The following CTNNA1 variants were observed in gnomAD, a reference collection of about 807,000 sequenced individuals.
The protein encoded by CTNNA1 is catenin alpha 1, also known as catenin alpha-1.
A neutral mutation model predicts 98.4 loss-of-function variants in CTNNA1; 37 were observed. The ratio of observed to expected loss-of-function variants is 0.38; its 90% CI spans 0.29 to 0.49. The LOEUF (loss-of-function observed/expected upper bound fraction) is 0.49. Among genes scored for constraint, CTNNA1 ranks in the 20% least tolerant of loss-of-function variants. The pLI is 0.95. For missense variants in CTNNA1, 761 were observed against 1,147.2 expected (o/e 0.66, Z 4.86); for synonymous variants, 404 against 413.2 (o/e 0.98, Z 0.27).
At chr5:138,878,948 TAGCCTGTAATCCC>T (rs1485894224) in intron 7 of CTNNA1, among the ~76,000 whole-genome samples, 3 of 151,940 alleles carry the variant, frequency 2.0e-5, no homozygotes, top group African/African-American at 4.8e-5. Flanking sequence ...GGCACAGTGG[TAGCCTGTAATCCC>T]AGCACTTTAG....
At chr5:138,758,483 T>A (rs1453400841) in intron 1 of CTNNA1, among the ~76,000 whole-genome samples, 2 of 152,198 alleles carry the variant, frequency 1.3e-5, no homozygotes, top group African/African-American at 4.8e-5. Context: ...GTTCAAGTGA[T>A]TCTCCTGCCT....
intron 1 of CTNNA1, among the ~76,000 whole-genome samples, chr5:138,767,968 A>G (rs1753118113): frequency 6.6e-6 from 1 of 152,192 alleles, no homozygotes; most frequent in Admixed American, 6.5e-5. Flanking sequence ...CTTACCCTAG[A>G]TATATTGAAT....
chr5:138,932,124 C>T, intron 16 of CTNNA1: 5 of 988,342 alleles, frequency 5.1e-6, no homozygotes, highest in Non-Finnish European at 6.0e-6. Flanking sequence ...CGCAAAGTGC[C>T]TCAGAGCAGA....
chr5:138,854,532 GACAGA>G (rs1763548727), intron 7 of CTNNA1, among the ~76,000 whole-genome samples: 1 of 152,162 alleles, frequency 6.6e-6, no homozygotes, highest in South Asian at 2.1e-4. Flanking sequence ...AGGAAAGGAG[GACAGA>G]ACAGTTCAAC....
At chr5:138,809,891 A>G (rs1758495758) in intron 3 of CTNNA1, 147 bp from the exon 4 acceptor site, 1 of 1,159,908 alleles carries the variant, frequency 8.6e-7, no homozygotes, top group Admixed American at 2.9e-5. Context: ...CAAACAAAGG[A>G]ACAGCAAACA....
chr5:138,797,539 G>A (rs535818531), intron 3 of CTNNA1, among the ~76,000 whole-genome samples: 61 of 152,210 alleles, frequency 4.0e-4, no homozygotes, highest in African/African-American at 1.4e-3. Context: ...TACTGGGCTG[G>A]CAAAAATATT....
At chr5:138,763,368 C>T (rs1752576644) in intron 1 of CTNNA1, among the ~76,000 whole-genome samples, 1 of 152,190 alleles carries the variant, frequency 6.6e-6, no homozygotes, top group East Asian at 1.9e-4. Flanking sequence ...TTACCATTCT[C>T]TCATGGTATG....
chr5:138,907,908 T>G (rs958657423), intron 10 of CTNNA1, among the ~76,000 whole-genome samples: 2 of 151,954 alleles, frequency 1.3e-5, no homozygotes, highest in Non-Finnish European at 1.5e-5. Flanking sequence ...TAGTTTCTGG[T>G]GGGGAGAAAT....
chr5:138,912,459 C>A (rs1580756668), intron 10 of CTNNA1, among the ~76,000 whole-genome samples: 1 of 152,168 alleles, frequency 6.6e-6, no homozygotes, highest in East Asian at 1.9e-4. Flanking sequence ...TTGAGAAAAT[C>A]CAACATCCAT....
intron 9 of CTNNA1, among the ~76,000 whole-genome samples, chr5:138,901,227 A>G (rs1757962320): frequency 1.3e-5 from 2 of 151,712 alleles, no homozygotes; most frequent in Non-Finnish European, 2.9e-5. Flanking sequence ...GCGCCATCTC[A>G]GCTCACTTCA....
At chr5:138,831,581 T>A (rs6421921) in intron 7 of CTNNA1, among the ~76,000 whole-genome samples, 1 of 151,974 alleles carries the variant, frequency 6.6e-6, no homozygotes, top group Non-Finnish European at 1.5e-5. Context: ...TATGTAAACC[T>A]AATCTACTCT....
At chr5:138,856,823 A>G (rs1256863834) in intron 7 of CTNNA1, among the ~76,000 whole-genome samples, 2 of 152,230 alleles carry the variant, frequency 1.3e-5, no homozygotes, top group South Asian at 2.1e-4. Context: ...AATTCATGAG[A>G]TGAAATCCTT....
At chr5:138,913,341 T>C (rs953852581) in intron 10 of CTNNA1, among the ~76,000 whole-genome samples, 6 of 152,144 alleles carry the variant, frequency 3.9e-5, no homozygotes, top group African/African-American at 1.4e-4. Flanking sequence ...CTCACATCAC[T>C]CACTAATCCC....
At chr5:138,778,988 C>T (rs1477155593) in intron 1 of CTNNA1, among the ~76,000 whole-genome samples, 1 of 152,090 alleles carries the variant, frequency 6.6e-6, no homozygotes, top group Non-Finnish European at 1.5e-5. Flanking sequence ...CAGCGATTCT[C>T]CTGGCTCAGC....
chr5:138,885,655 T>A (rs1305262079), intron 7 of CTNNA1, among the ~76,000 whole-genome samples: 1 of 152,230 alleles, frequency 6.6e-6, no homozygotes, highest in African/African-American at 2.4e-5. Flanking sequence ...GTCTAGGATT[T>A]TTTTAAAGTG....
Position 138,827,507 on chromosome 5 carries a change from C to A in CTNNA1, c.859-8C>A. The A allele has an allele frequency of 6.2e-7, 1 of 1,614,094 alleles. No individual in the cohort carries two copies. Among genetic ancestry groups the A allele is most frequent in the Non-Finnish European group, 8.5e-7 (1 of 1,179,952 alleles). On this transcript the variant is annotated splice_polypyrimidine_tract_variant and splice_region_variant and intron_variant, in intron 6 of 17. Transcript: ENST00000302763. Reference sequence around the variant, plus strand: ...GAGTACTAACATTCGGTAATACTTTCTCTGCAGAAACAAATCATTGTGGAC... The same window carrying A: ...GAGTACTAACATTCGGTAATACTTTATCTGCAGAAACAAATCATTGTGGAC...
intron 7 of CTNNA1, among the ~76,000 whole-genome samples, chr5:138,854,447 C>G (rs563367758): frequency 2.0e-5 from 3 of 152,264 alleles, no homozygotes; most frequent in Admixed American, 1.3e-4. Flanking sequence ...AACACATGTA[C>G]TTGTGTCTGT....
At chr5:138,891,741 A>G (rs1239188610) in intron 9 of CTNNA1, among the ~76,000 whole-genome samples, 3 of 152,222 alleles carry the variant, frequency 2.0e-5, no homozygotes, top group African/African-American at 4.8e-5. Context: ...CTTGGGTGAC[A>G]GAGCGAGACG....
At chr5:138,787,995 A>G (rs928566736) in intron 3 of CTNNA1, among the ~76,000 whole-genome samples, 2 of 152,210 alleles carry the variant, frequency 1.3e-5, no homozygotes, top group Admixed American at 6.5e-5. Flanking sequence ...GTTTAATTGT[A>G]CTACTAATCT....
Sources: gnomAD v4.1 joint callset for allele counts (sites outside exome capture counted in the v4.1 genomes callset) on GRCh38, gnomAD v4.1.1 for gene constraint, MANE v1.5 for transcripts, NCBI Gene and HGNC (gene_info 2026-07-23, HGNC 2026-07-21) for gene names.